PLSCR5: variants seen among roughly 807,000 people sequenced by gnomAD.
The protein encoded by PLSCR5 is phospholipid scramblase family, member 5.
In PLSCR5, 44 loss-of-function variants were observed where a neutral mutation model predicts 33.6. That is an observed-to-expected ratio of 1.31 (90% CI 1.03 to 1.69). The LOEUF (loss-of-function observed/expected upper bound fraction) is 1.69. Among genes scored for constraint, PLSCR5 ranks in the 40% most tolerant of loss-of-function variants. The pLI is 0.00. For synonymous variants in PLSCR5, 148 were observed against 112.3 expected (o/e 1.32, Z -2.01); for missense variants, 375 against 318.7 (o/e 1.18, Z -1.34).
In PLSCR5 at chr3:146,605,315, C is replaced by G; in HGVS notation, c.-103G>C. On this transcript the variant is annotated 5_prime_UTR_variant, in exon 1 of 8. Coordinates refer to ENST00000443512, the MANE Select transcript of PLSCR5 (RefSeq NM_001085420.2). Reference sequence around the variant, plus strand: ...ACGCAGCATGCACAAAACTTCAGAACGTGTTTGTCTGCCTCTTGTCAGCTT... The same window carrying G: ...ACGCAGCATGCACAAAACTTCAGAAGGTGTTTGTCTGCCTCTTGTCAGCTT... 1.3e-6 allele frequency: 2 copies of G among 1,587,676 alleles called. No individual in the cohort carries two copies. Among genetic ancestry groups the G allele is most frequent in the Non-Finnish European group, 1.7e-6 (2 of 1,166,264 alleles).
chr3:146,579,285 A>G (rs1351829707), intron 7 of PLSCR5, among the ~76,000 whole-genome samples: 1 of 152,200 alleles, frequency 6.6e-6, no homozygotes, highest in Non-Finnish European at 1.5e-5. Context: ...TTAATTTGAA[A>G]AGTCAAAATA....
intron 4 of PLSCR5, among the ~76,000 whole-genome samples, chr3:146,593,501 C>T (rs1037173484): frequency 1.3e-5 from 2 of 152,070 alleles, no homozygotes; most frequent in African/African-American, 2.4e-5. Context: ...TGTGAGATTC[C>T]ATACTAAATA....
Position 146,600,269 on chromosome 3 carries a change from A to G in PLSCR5, c.189+19T>C, listed in dbSNP as rs759344949. ...TTTAAGGGTAGAACATATCTGTAGT[A>G]ATAGAAAGATAAAAACACCTGGCTT... On this transcript the variant is annotated intron_variant, in intron 2 of 7. Transcript: ENST00000443512. 3.3e-6 allele frequency: 5 copies of G among 1,519,322 alleles called. No individual in the cohort carries two copies. Among genetic ancestry groups the G allele is most frequent in the South Asian group, 2.6e-5 (2 of 77,278 alleles). The allele number at this position is 1,519,322 out of a possible 1,614,324, so 94.1% of individuals were successfully genotyped here.
rs775716341 is a variant in PLSCR5, at chr3:146,591,760, G to A, written c.575C>T (p.Pro192Leu). 5 of 1,611,544 alleles carry A rather than the reference G, an allele frequency of 3.1e-6. No individual in the cohort carries two copies. Among genetic ancestry groups the A allele is most frequent in the Non-Finnish European group, 4.2e-6 (5 of 1,178,684 alleles). ...GCCAAAACAGCCACATGTCACACAAGGACCAACAATTTTCAAAATATCTTC... is the reference window on the plus strand; with the variant it reads ...GCCAAAACAGCCACATGTCACACAAAGACCAACAATTTTCAAAATATCTTC... ...NKEDILKIVG[P>L]CVTCGCFGDV... The change falls in exon 5 of 8, where the codon CCT (proline) becomes CTT (leucine). Residue 192 changes from proline to leucine, a missense_variant. Physicochemically the swap from Pro to Leu is moderately conservative, Grantham distance 98. Transcript: ENST00000443512.
At chr3:146,577,042 C>T (rs2044603152) in intron 7 of PLSCR5, among the ~76,000 whole-genome samples, 1 of 151,892 alleles carries the variant, frequency 6.6e-6, no homozygotes, top group African/African-American at 2.4e-5. Flanking sequence ...GGGATTTTGA[C>T]TTAATTGGTA....
At chr3:146,602,883 C>A (rs2044830908) in intron 1 of PLSCR5, among the ~76,000 whole-genome samples, 1 of 152,008 alleles carries the variant, frequency 6.6e-6, no homozygotes, top group Non-Finnish European at 1.5e-5. Context: ...ATATTGTGTC[C>A]AAAGTCTTTA....
chr3:146,586,130 G>A lies in PLSCR5; in HGVS notation c.778-18C>T. 6.9e-7 allele frequency: 1 copy of A among 1,450,496 alleles called. No homozygotes were observed. The highest frequency in any genetic ancestry group is 1.4e-5 in the South Asian group (1 of 71,302). The allele number at this position is 1,450,496 out of a possible 1,614,324, so 89.9% of individuals were successfully genotyped here. A position where few individuals can be genotyped will look rare whatever the true frequency, so the allele number is the denominator to read the frequency against. On this transcript the variant is annotated intron_variant, in intron 6 of 7. Transcript: ENST00000443512. ...ATAAAATCCTACAAATAAGTAAACT[G>A]AATATAAGTGAATTTACAAAAAGAC...
At chr3:146,590,167 A>T (rs2044702282) in intron 5 of PLSCR5, 1 of 161,734 alleles carries the variant, frequency 6.2e-6, no homozygotes, top group Non-Finnish European at 1.3e-5. Context: ...TCTTTACTTG[A>T]GGTCCAGATT....
intron 1 of PLSCR5, among the ~76,000 whole-genome samples, chr3:146,604,191 A>G (rs59709632): frequency 0.025 from 3,880 of 152,212 alleles, 178 homozygotes; most frequent in African/African-American, 0.087. Flanking sequence ...AAAACTTTTC[A>G]TTATAGCCTA....
chr3:146,593,544 G>A (rs1050465216), intron 4 of PLSCR5, among the ~76,000 whole-genome samples: 1 of 152,126 alleles, frequency 6.6e-6, no homozygotes, highest in African/African-American at 2.4e-5. Context: ...CCTTAGAGGA[G>A]TTTAATATCA....
chr3:146,596,151 T>C (rs1431531802), intron 2 of PLSCR5, among the ~76,000 whole-genome samples: 2 of 152,176 alleles, frequency 1.3e-5, no homozygotes, highest in Admixed American at 6.5e-5. Context: ...AAAGGAAATA[T>C]GAAAGTTATG....
intron 1 of PLSCR5, 62 bp downstream of exon 1, chr3:146,605,138 C>T: frequency 6.6e-7 from 1 of 1,509,580 alleles, no homozygotes; most frequent in Non-Finnish European, 9.1e-7. Flanking sequence ...AACACATCCA[C>T]AATTGTATAT....
At chr3:146,594,449 AT>A (rs1553810106) in intron 3 of PLSCR5, among the ~76,000 whole-genome samples, 2 of 152,138 alleles carry the variant, frequency 1.3e-5, no homozygotes, top group Non-Finnish European at 2.9e-5. Flanking sequence ...AGCTCAAAAA[AT>A]AATTATATTA....
chr3:146,583,651 T>C (rs756721446), downstream of PLSCR5, among the ~76,000 whole-genome samples: 47 of 152,350 alleles, frequency 3.1e-4, no homozygotes, highest in Non-Finnish European at 5.9e-4. Context: ...TATTGTACTA[T>C]GCCAACTTGG....
At chr3:146,594,167 A>G in intron 3 of PLSCR5, 27 bp from the exon 4 acceptor site, 1 of 1,537,508 alleles carries the variant, frequency 6.5e-7, no homozygotes, top group Non-Finnish European at 8.9e-7. Flanking sequence ...AAAATTATAA[A>G]AACATTTTTT....
At chr3:146,591,181 AT>A (rs147039684) in intron 5 of PLSCR5, among the ~76,000 whole-genome samples, 43,160 of 151,554 alleles carry the variant, frequency 0.28, 6,290 homozygotes, top group African/African-American at 0.36. Flanking sequence ...TATTGGCTTT[AT>A]TGCCATGTGT....
intron 5 of PLSCR5, chr3:146,590,055 G>A (rs1039196716): frequency 6.9e-6 from 2 of 290,660 alleles, no homozygotes; most frequent in African/African-American, 4.4e-5. Context: ...TTTCTTTTTT[G>A]TATGCAGATG....
At chr3:146,578,723 T>C (rs187536131) in intron 7 of PLSCR5, among the ~76,000 whole-genome samples, 34 of 152,276 alleles carry the variant, frequency 2.2e-4, no homozygotes, top group Middle Eastern at 6.8e-3. Context: ...AGGCTTTATA[T>C]ATTTGTGAAA....
At chr3:146,596,785 T>C (rs1305394719) in intron 2 of PLSCR5, among the ~76,000 whole-genome samples, 1 of 152,202 alleles carries the variant, frequency 6.6e-6, no homozygotes. Flanking sequence ...AAAACTAATA[T>C]CATTTTCTCT....
Sources: allele counts gnomAD v4.1 joint callset (sites outside exome capture counted in the v4.1 genomes callset), GRCh38; gene constraint gnomAD v4.1.1; transcripts MANE v1.5; gene names NCBI Gene and HGNC (gene_info 2026-07-23, HGNC 2026-07-21).